The following HSD17B4 variants were observed in gnomAD, a reference collection of about 807,000 sequenced individuals.
The protein encoded by HSD17B4 is hydroxysteroid 17-beta dehydrogenase 4.
In HSD17B4, 70 loss-of-function variants were observed where a neutral mutation model predicts 101.0. The observed-to-expected ratio is 0.69, with a 90% CI of 0.57 to 0.85. The LOEUF (loss-of-function observed/expected upper bound fraction) is 0.85. HSD17B4 is among the 40% of genes least tolerant of loss of function. The pLI, the probability that HSD17B4 is intolerant of heterozygous loss-of-function variation, is 0.00. For missense variants in HSD17B4, 984 were observed against 892.4 expected (o/e 1.10, Z -1.31); for synonymous variants, 347 against 297.1 (o/e 1.17, Z -1.73).
At chr5:119,489,331 A>T in intron 9 of HSD17B4, 48 bp downstream of exon 9, 1 of 1,206,476 alleles carries the variant, frequency 8.3e-7, no homozygotes, top group South Asian at 1.2e-5. Flanking sequence ...CCAGTTGCTT[A>T]CATTTGTAAA....
intron 2 of HSD17B4, chr5:119,471,737 G>T (rs1756390591): frequency 9.2e-7 from 1 of 1,087,154 alleles, no homozygotes; most frequent in Non-Finnish European, 1.3e-6. Flanking sequence ...AAGTTATTTG[G>T]CATTTATCTA....
At position 119,525,210 on chromosome 5, in the gene HSD17B4, C is replaced by T; in HGVS notation, c.1504-6C>T. 1.2e-6 allele frequency: 2 copies of T among 1,606,502 alleles called. No individual in the cohort carries two copies. The highest frequency in any genetic ancestry group is 1.1e-5 in the South Asian group (1 of 90,928). ...AGTTCTAGTTATGTTTATGCTTTCT[C>T]CACAGGCTGCTTTGTACCGCCTCAG... On this transcript the variant is annotated splice_region_variant and splice_polypyrimidine_tract_variant and intron_variant, in intron 17 of 23. Transcript: ENST00000510025.
intron 21 of HSD17B4, 35 bp downstream of exon 21, chr5:119,530,015 T>G (rs1477144592): frequency 1.6e-6 from 2 of 1,241,700 alleles, no homozygotes; most frequent in East Asian, 4.6e-5. Context: ...AGCCACTTCC[T>G]CATTTAGGAA....
chr5:119,535,315 G>A (rs1359329263), intron 22 of HSD17B4, among the ~76,000 whole-genome samples: 1 of 151,038 alleles, frequency 6.6e-6, no homozygotes, highest in East Asian at 2.2e-4. Flanking sequence ...GTCCTTTATA[G>A]CAAAACAATA....
intron 22 of HSD17B4, among the ~76,000 whole-genome samples, chr5:119,532,693 A>G (rs1754219313): frequency 6.6e-6 from 1 of 152,072 alleles, no homozygotes; most frequent in Admixed American, 6.6e-5. Context: ...ATCCTATTTT[A>G]TTGTTCTAAG....
At chr5:119,538,659 G>A (rs1032079239) in intron 23 of HSD17B4, among the ~76,000 whole-genome samples, 2 of 152,076 alleles carry the variant, frequency 1.3e-5, no homozygotes, top group Admixed American at 6.6e-5. Flanking sequence ...CCCATCACCT[G>A]TAATGCTAAT....
intron 16 of HSD17B4, among the ~76,000 whole-genome samples, chr5:119,513,503 C>G (rs1279374747): frequency 2.0e-5 from 3 of 152,156 alleles, no homozygotes; most frequent in Non-Finnish European, 4.4e-5. Flanking sequence ...CCTGCCTCAG[C>G]CTCCCAAGTA....
intron 17 of HSD17B4, among the ~76,000 whole-genome samples, chr5:119,524,541 G>A (rs1437312507): frequency 1.3e-5 from 2 of 152,062 alleles, no homozygotes; most frequent in African/African-American, 4.8e-5. Context: ...TTCAGTGCTG[G>A]TAAGTGCTTT....
intron 2 of HSD17B4, among the ~76,000 whole-genome samples, chr5:119,465,835 T>G (rs143778658): frequency 1.0e-3 from 159 of 152,338 alleles, no homozygotes; most frequent in African/African-American, 3.7e-3. Context: ...TGCCTAATTG[T>G]CCTGGCTAGT....
chr5:119,541,495 C>CT (rs1159455224), intron 23 of HSD17B4, among the ~76,000 whole-genome samples: 2 of 152,242 alleles, frequency 1.3e-5, no homozygotes, highest in African/African-American at 4.8e-5. Context: ...CATTTCGTGG[C>CT]TTTCTAGTTC....
rs1750332734 is a variant in HSD17B4 at position 119,493,758 on chromosome 5, C to T, written c.740-60C>T. On this transcript the variant is annotated intron_variant, in intron 10 of 23. Transcript: ENST00000510025. Reference sequence around the variant, plus strand: ...CTTTAAAAATGAAAGGGTTCTTATGCATCTTACTTTCTGTCTCTCAACTAT... The same window carrying T: ...CTTTAAAAATGAAAGGGTTCTTATGTATCTTACTTTCTGTCTCTCAACTAT... 5.4e-6 allele frequency: 8 copies of T among 1,479,822 alleles called. No homozygotes were observed. In the Admixed American group the frequency reaches 1.2e-4, roughly 22 times the overall value. 91.7% of individuals were successfully genotyped at this position (1,479,822 alleles called of 1,614,324 possible).
rs763381588 is a variant in HSD17B4 at position 119,456,383 on chromosome 5, T to G, written c.112+15T>G. The G allele has an allele frequency of 5.1e-6, 8 of 1,557,900 alleles. No individual in the cohort carries two copies. Among genetic ancestry groups the G allele is most frequent in the Middle Eastern group, 1.7e-4 (1 of 5,984 alleles). The stretch of plus-strand genomic sequence containing the variant: ...GTTAGTTGTTGGTAAGTTGGTGTGT[T>G]TTTCTTTTTAATCTGTAGCTGATAA... On this transcript the variant is annotated intron_variant, in intron 2 of 23. Transcript: ENST00000510025.
At chr5:119,538,358 A>G (rs1754704611) in intron 23 of HSD17B4, among the ~76,000 whole-genome samples, 1 of 152,048 alleles carries the variant, frequency 6.6e-6, no homozygotes. Flanking sequence ...AGCCTCTGTC[A>G]TCTCTCACCT....
chr5:119,484,520 AT>A (rs1208466778), intron 8 of HSD17B4, among the ~76,000 whole-genome samples: 1 of 152,192 alleles, frequency 6.6e-6, no homozygotes, highest in Non-Finnish European at 1.5e-5. Flanking sequence ...CAATATATAT[AT>A]AATAGTTGAC....
intron 22 of HSD17B4, among the ~76,000 whole-genome samples, chr5:119,532,782 T>C (rs1754226382): frequency 6.6e-6 from 1 of 152,088 alleles, no homozygotes; most frequent in Non-Finnish European, 1.5e-5. Context: ...TTATGTGGCC[T>C]ACAGAATAGT....
chr5:119,470,479 G>A (rs565432390), intron 2 of HSD17B4, among the ~76,000 whole-genome samples: 7 of 152,320 alleles, frequency 4.6e-5, no homozygotes, highest in African/African-American at 1.7e-4. Flanking sequence ...CAATTCAGCT[G>A]TGTATACTCC....
At chr5:119,512,979 G>T (rs1279372336) in intron 16 of HSD17B4, among the ~76,000 whole-genome samples, 2 of 152,158 alleles carry the variant, frequency 1.3e-5, no homozygotes, top group African/African-American at 4.8e-5. Flanking sequence ...AATTATATGT[G>T]TATTGTGTCA....
At chr5:119,517,419 C>T (rs1752725171) in intron 17 of HSD17B4, among the ~76,000 whole-genome samples, 1 of 152,212 alleles carries the variant, frequency 6.6e-6, no homozygotes, top group Non-Finnish European at 1.5e-5. Flanking sequence ...CAGCTCGAGC[C>T]TCCCTGAGGA....
chr5:119,480,833 G>A (rs1315605277), intron 8 of HSD17B4, among the ~76,000 whole-genome samples: 5 of 152,106 alleles, frequency 3.3e-5, no homozygotes, highest in South Asian at 2.1e-4. Context: ...CCCTAGGTGC[G>A]CATTCTCTTT....
Sources: gnomAD v4.1 joint callset for allele counts (sites outside exome capture counted in the v4.1 genomes callset) on GRCh38, gnomAD v4.1.1 for gene constraint, MANE v1.5 for transcripts, NCBI Gene and HGNC (gene_info 2026-07-23, HGNC 2026-07-21) for gene names.